HDAC8: variants seen among roughly 807,000 people sequenced by gnomAD.
HDAC8 encodes the protein histone deacetylase 8.
Under a neutral mutation model 32.2 loss-of-function variants are expected in HDAC8, and 1 was observed. The ratio of observed to expected loss-of-function variants is 0.03; its 90% confidence interval spans 0.01 to 0.15. The LOEUF is 0.15. HDAC8 is among the 10% of genes least tolerant of loss of function. The pLI is 1.00. For synonymous variants in HDAC8, 108 were observed against 113.9 expected, an observed-to-expected ratio of 0.95 and a Z score of 0.33; for missense variants, 117 against 300.0, an observed-to-expected ratio of 0.39 and a Z score of 4.51.
intron 3 of HDAC8, 112 bp from the exon 4 acceptor site, chrX:72,568,142 G>A (rs1275614353): frequency 1.7e-6 from 1 of 598,566 alleles, no homozygotes; most frequent in Non-Finnish European, 2.7e-6. Flanking sequence ...GCTAATATCA[G>A]CTCCAACTGA....
chrX:72,565,428 A>T (rs981849318), intron 4 of HDAC8, among the ~76,000 whole-genome samples: 2 of 112,194 alleles, frequency 1.8e-5, no homozygotes, highest in Admixed American at 9.4e-5. Flanking sequence ...TCTGTAATTT[A>T]TATTTATCAC....
At position 72,409,484 on chromosome X, in the gene HDAC8, T is replaced by C. The variant is rs557018526; in HGVS notation, c.1005+52520A>G. Among the ~76,000 whole-genome samples, 203 of 112,362 alleles carry C rather than the reference T, an allele frequency of 1.8e-3. No homozygotes were observed. In the Middle Eastern group the frequency reaches 0.023, roughly 13 times the overall value. ...CTCCAGCCTCGTTTTTCTAATAAGC[T>C]TCTCCACCTTCTCCATGCTCCAGCC... is the stretch of plus-strand genomic sequence containing the variant. On this transcript the variant is annotated intron_variant, in intron 9 of 10. Transcript: ENST00000373573.
intron 9 of HDAC8, among the ~76,000 whole-genome samples, chrX:72,404,872 A>G (rs1228538972): frequency 9.1e-6 from 1 of 110,425 alleles, no homozygotes; most frequent in Non-Finnish European, 1.9e-5. Context: ...CTTATCTGGA[A>G]TTTCTTAGGC....
At chrX:72,485,610 G>T (rs1227553790) in intron 7 of HDAC8, among the ~76,000 whole-genome samples, 5 of 107,688 alleles carry the variant, frequency 4.6e-5, no homozygotes, top group Admixed American at 3.0e-4. Context: ...AGGAAAAGGA[G>T]AAAAGGAAAA....
At chrX:72,349,647 T>C (rs1448754300) in intron 10 of HDAC8, among the ~76,000 whole-genome samples, 1 of 112,196 alleles carries the variant, frequency 8.9e-6, no homozygotes, top group East Asian at 2.8e-4. Context: ...CCTAGCCTTT[T>C]ATCTCAAATC....
chrX:72,554,499 A>AGCGGGTAGGGCGGGGAGGGCGGGTAGG (rs1556085881), intron 4 of HDAC8, among the ~76,000 whole-genome samples: 1 of 14,920 alleles, frequency 6.7e-5, no homozygotes, highest in African/African-American at 8.2e-5. Flanking sequence ...GGGCGGGGGG[A>AGCGGGTAGGGCGGGGAGGGCGGGTAGG]GCGGGGAGGG....
At chrX:72,569,676 A>G (rs2051940806) in intron 2 of HDAC8, among the ~76,000 whole-genome samples, 1 of 111,656 alleles carries the variant, frequency 9.0e-6, no homozygotes, top group South Asian at 3.8e-4. Flanking sequence ...GAAGCGAGTG[A>G]GGGAATAAAG....
intron 2 of HDAC8, among the ~76,000 whole-genome samples, chrX:72,570,998 C>T (rs2052014317): frequency 8.9e-6 from 1 of 112,185 alleles, no homozygotes; most frequent in South Asian, 3.7e-4. Flanking sequence ...AATCTCGGCT[C>T]ACTGCAAGCT....
chrX:72,491,770 C>T (rs782183783), intron 5 of HDAC8, among the ~76,000 whole-genome samples: 2 of 111,680 alleles, frequency 1.8e-5, no homozygotes, highest in South Asian at 3.8e-4. Flanking sequence ...CAAGCCTCTA[C>T]GTATACAGGT....
intron 9 of HDAC8, among the ~76,000 whole-genome samples, chrX:72,394,032 T>C (rs1165315292): frequency 9.0e-6 from 1 of 111,235 alleles, no homozygotes; most frequent in Non-Finnish European, 1.9e-5. Context: ...CGCCACTGGA[T>C]ACAGAGACTC....
chrX:72,345,699 T>G (rs1555946718), intron 10 of HDAC8, among the ~76,000 whole-genome samples: 1 of 111,686 alleles, frequency 9.0e-6, no homozygotes, highest in Admixed American at 9.5e-5. Flanking sequence ...TTTTTTTTTG[T>G]AGATAGGGTC....
intron 9 of HDAC8, among the ~76,000 whole-genome samples, chrX:72,428,661 G>A (rs898315982): frequency 5.4e-5 from 6 of 111,902 alleles, no homozygotes; most frequent in South Asian, 3.8e-4. Context: ...TTTTAAAAAT[G>A]ACAATTAACC....
chrX:72,409,449 C>T (rs2147894333), intron 9 of HDAC8, among the ~76,000 whole-genome samples: 1 of 112,101 alleles, frequency 8.9e-6, no homozygotes, highest in South Asian at 3.8e-4. Context: ...AATCTTGTCC[C>T]AATCTCTCCC....
intron 9 of HDAC8, among the ~76,000 whole-genome samples, chrX:72,404,355 A>T (rs1430545418): frequency 1.8e-5 from 2 of 111,626 alleles, no homozygotes; most frequent in African/African-American, 6.5e-5. Flanking sequence ...CCCTTTTCAA[A>T]CAATATGGGG....
At chrX:72,359,372 G>A (rs1202039839) in intron 9 of HDAC8, among the ~76,000 whole-genome samples, 10 of 111,028 alleles carry the variant, frequency 9.0e-5, no homozygotes, top group African/African-American at 3.0e-4. Flanking sequence ...AAAATGATTG[G>A]GATTCTGAAC....
Position 72,402,966 on chromosome X carries a change from A to G in HDAC8, c.1006-51128T>C, listed in dbSNP as rs1169054354. Among the ~76,000 whole-genome samples the G allele has an allele frequency of 4.5e-5, 5 of 111,748 alleles. 1 individual carries two copies. The highest frequency in any genetic ancestry group is 1.9e-4 in the Admixed American group (2 of 10,545). On this transcript the variant is annotated intron_variant, in intron 9 of 10. Transcript: ENST00000373573. ...TTTTTCATATTAGTATAGCCACTCC[A>G]GATTTTTATGGTTGTTGTTTGCATG...
At chrX:72,390,009 C>CT (rs1395041063) in intron 9 of HDAC8, among the ~76,000 whole-genome samples, 1 of 111,059 alleles carries the variant, frequency 9.0e-6, no homozygotes, top group Non-Finnish European at 1.9e-5. Context: ...TGTGATATTT[C>CT]TTTTTTCCCT....
At position 72,466,910 on chromosome X, in the gene HDAC8, C is replaced by CA. The variant is rs201361886; in HGVS notation, c.738-2180dup. On this transcript the variant is annotated intron_variant, in intron 7 of 10. Coordinates refer to ENST00000373573, the MANE Select transcript of HDAC8 (RefSeq NM_018486.3). The stretch of plus-strand genomic sequence containing the variant: ...AAAAGGAGCAAACTATTGATACATG[C>CA]AAAAAATCTGGGTGGCTCTCAAGGG... The CA allele has an allele frequency of 4.7e-3, 521 of 111,489 alleles. 4 individuals carry two copies. The highest frequency in any genetic ancestry group is 0.015 in the African/African-American group (473 of 30,693). The allele number at this position is 111,489 out of a possible 1,213,427, so 9.2% of individuals were successfully genotyped here.
chrX:72,488,847 T>C, intron 7 of HDAC8, 86 bp downstream of exon 7: 1 of 532,270 alleles, frequency 1.9e-6, no homozygotes, highest in East Asian at 3.5e-5. Context: ...CTTTTTTACA[T>C]TGTTCTTGTT....
Sources: allele counts gnomAD v4.1 joint callset (sites outside exome capture counted in the v4.1 genomes callset), GRCh38; gene constraint gnomAD v4.1.1; transcripts MANE v1.5; gene names NCBI Gene and HGNC (gene_info 2026-07-23, HGNC 2026-07-21).